Variants in SPMAP1 observed in about 807,000 individuals in gnomAD.
SPMAP1 encodes sperm microtubule associated protein 1.
the SPMAP1 span, among the ~76,000 whole-genome samples, chr17:38,840,520 G>C: frequency 2.0e-5 from 3 of 148,190 alleles, no homozygotes; most frequent in African/African-American, 5.0e-5. Context: ...TCCAGTCCTC[G>C]GGCTGCGTTA....
chr17:38,839,478 AAAAAG>A, the SPMAP1 span, among the ~76,000 whole-genome samples: 432 of 148,402 alleles, frequency 2.9e-3, 4 homozygotes, highest in African/African-American at 9.7e-3. Flanking sequence ...AAAAAAAAAA[AAAAAG>A]AAAAGAAAAG....
chr17:38,837,053 G>A, the SPMAP1 span: 1 of 865,462 alleles, frequency 1.2e-6, no homozygotes, highest in East Asian at 2.4e-5. Context: ...AAAGCTGGAA[G>A]GATGCAGTCC....
At chr17:38,835,537 G>A in the SPMAP1 span, among the ~76,000 whole-genome samples, 2 of 152,204 alleles carry the variant, frequency 1.3e-5, no homozygotes, top group African/African-American at 4.8e-5. Context: ...GGGGCAGAAG[G>A]CTTCCTAGAA....
the SPMAP1 span, chr17:38,837,310 C>T: frequency 9.6e-7 from 1 of 1,043,644 alleles, no homozygotes; most frequent in Admixed American, 1.7e-5. Context: ...ACAGTGCAAA[C>T]TGCCCTGGGG....
chr17:38,841,378 C>G, the SPMAP1 span: 6 of 1,614,008 alleles, frequency 3.7e-6, no homozygotes, highest in Non-Finnish European at 5.1e-6. Context: ...GACACTCGCT[C>G]AGGTACGCCA....
chr17:38,839,652 C>T, the SPMAP1 span, among the ~76,000 whole-genome samples: 83 of 151,488 alleles, frequency 5.5e-4, no homozygotes, highest in African/African-American at 2.0e-3. Flanking sequence ...AAAAATTAGA[C>T]GGGCGGGCGT....
At chr17:38,839,243 C>T in the SPMAP1 span, among the ~76,000 whole-genome samples, 1 of 151,846 alleles carries the variant, frequency 6.6e-6, no homozygotes, top group South Asian at 2.1e-4. Flanking sequence ...AGCATGGTGG[C>T]TCATGCCTAT....
At chr17:38,840,745 G>A in the SPMAP1 span, among the ~76,000 whole-genome samples, 2 of 151,746 alleles carry the variant, frequency 1.3e-5, no homozygotes, top group Non-Finnish European at 2.9e-5. Context: ...GGTGGAAGCT[G>A]CAGTGAGCCG....
the SPMAP1 span, chr17:38,841,317 C>T: frequency 6.2e-7 from 1 of 1,614,150 alleles, no homozygotes; most frequent in Admixed American, 1.7e-5. Flanking sequence ...GCGCGGGCAG[C>T]GGTGCTCACA....
At chr17:38,837,121 G>C in the SPMAP1 span, 3 of 1,560,688 alleles carry the variant, frequency 1.9e-6, no homozygotes, top group Non-Finnish European at 2.7e-6. Context: ...GATGAGGCTA[G>C]AAATGGAGGC....
At chr17:38,840,617 CAAAAAAAAAAAAAAAAAAAA>C in the SPMAP1 span, among the ~76,000 whole-genome samples, 22 of 48,724 alleles carry the variant, frequency 4.5e-4, no homozygotes, top group East Asian at 3.9e-3. Flanking sequence ...CCCCTCTCTA[CAAAAAAAAAAAAAAAAAAAA>C]AAAAAAAAAA....
At chr17:38,841,348 G>C in the SPMAP1 span, 12 of 1,614,044 alleles carry the variant, frequency 7.4e-6, no homozygotes, top group Non-Finnish European at 9.3e-6. Flanking sequence ...CCAAGATAAA[G>C]CCTTTCTCCA....
the SPMAP1 span, chr17:38,835,309 G>T: frequency 6.2e-7 from 1 of 1,614,202 alleles, no homozygotes; most frequent in Non-Finnish European, 8.5e-7. Flanking sequence ...GATCAGCATT[G>T]TAGTGGTCAT....
chr17:38,840,617 C>CAAAAA, the SPMAP1 span, among the ~76,000 whole-genome samples: 233 of 48,726 alleles, frequency 4.8e-3, 31 homozygotes, highest in African/African-American at 7.4e-3. Context: ...CCCCTCTCTA[C>CAAAAA]AAAAAAAAAA....
the SPMAP1 span, among the ~76,000 whole-genome samples, chr17:38,835,720 T>C: frequency 2.1e-4 from 32 of 152,284 alleles, no homozygotes; most frequent in Admixed American, 7.9e-4. Context: ...TCAAGATCAA[T>C]TGAGCCAAAT....
the SPMAP1 span, chr17:38,835,457 C>G: frequency 2.7e-6 from 3 of 1,129,632 alleles, no homozygotes; most frequent in Middle Eastern, 2.1e-4. Context: ...CTTGCATTCC[C>G]CATGCTGAAC....
chr17:38,840,828 C>T, the SPMAP1 span, among the ~76,000 whole-genome samples: 2 of 150,466 alleles, frequency 1.3e-5, no homozygotes, highest in Non-Finnish European at 3.0e-5. Flanking sequence ...TGTAACATGG[C>T]GAAACCCCGT....
the SPMAP1 span, chr17:38,835,283 C>T: frequency 6.2e-7 from 1 of 1,614,126 alleles, no homozygotes; most frequent in Non-Finnish European, 8.5e-7. Flanking sequence ...TCCATTGAAC[C>T]CATCGATCGG....
the SPMAP1 span, chr17:38,835,159 G>A: frequency 4.4e-6 from 7 of 1,607,088 alleles, no homozygotes; most frequent in Non-Finnish European, 6.0e-6. Flanking sequence ...TAGAAATTCA[G>A]GTCGATGGCT....
Sources: allele counts gnomAD v4.1 joint callset (sites outside exome capture counted in the v4.1 genomes callset), GRCh38; gene constraint gnomAD v4.1.1; transcripts MANE v1.5; gene names NCBI Gene and HGNC (gene_info 2026-07-23, HGNC 2026-07-21).